Variants in EDEM3 observed in about 807,000 individuals in gnomAD.
EDEM3 encodes ER degradation enhancing alpha-mannosidase like protein 3, also known as ER degradation-enhancing alpha-mannosidase-like protein 3.
EDEM3 carries 60 observed loss-of-function variants against 110.2 expected under a neutral mutation model. That is an observed-to-expected ratio of 0.54 (90% CI 0.44 to 0.67). The LOEUF (loss-of-function observed/expected upper bound fraction) is 0.67. Ranked by LOEUF, EDEM3 falls within the 30% of genes least tolerant of loss-of-function variation. The pLI is 0.00. For missense variants in EDEM3, 996 were observed against 1,121.0 expected (o/e 0.89, Z 1.59); for synonymous variants, 352 against 382.9 (o/e 0.92, Z 0.94).
chr1:184,701,480 T>G (rs1393200702), intron 19 of EDEM3: 1 of 1,261,628 alleles, frequency 7.9e-7, no homozygotes. Flanking sequence ...TAAGGCTTGT[T>G]AATGCAAGAT....
At chr1:184,753,309 C>T (rs2102145202) in intron 1 of EDEM3, among the ~76,000 whole-genome samples, 1 of 151,622 alleles carries the variant, frequency 6.6e-6, no homozygotes, top group East Asian at 1.9e-4. Context: ...CTTCCAGTGA[C>T]GTACTTCCTT....
At position 184,754,850 on chromosome 1, in the gene EDEM3, T is replaced by C. The variant is rs1416094385; in HGVS notation, c.-204A>G. ...CTGCCACCGCCCTCCGCCCTCAGTATCCCGGAGCGCCTCCCCCAGCTTTCC... is the reference window on the plus strand; with the variant it reads ...CTGCCACCGCCCTCCGCCCTCAGTACCCCGGAGCGCCTCCCCCAGCTTTCC... On this transcript the variant is annotated 5_prime_UTR_variant, in exon 1 of 20. Coordinates refer to ENST00000318130, the MANE Select transcript of EDEM3 (RefSeq NM_025191.4). The C allele has an allele frequency of 3.7e-6, 3 of 810,016 alleles. No individual in the cohort carries two copies. Among genetic ancestry groups the C allele is most frequent in the Non-Finnish European group, 5.4e-6 (3 of 552,892 alleles). 50.2% of individuals were successfully genotyped at this position (810,016 alleles called of 1,614,324 possible). A position where few individuals can be genotyped will look rare whatever the true frequency, so the allele number is the denominator to read the frequency against.
intron 2 of EDEM3, among the ~76,000 whole-genome samples, chr1:184,748,148 A>T (rs1652537738): frequency 6.6e-6 from 1 of 152,120 alleles, no homozygotes; most frequent in Non-Finnish European, 1.5e-5. Flanking sequence ...TGACAAAAAA[A>T]AATTAATTAA....
At chr1:184,721,233 TA>T in intron 9 of EDEM3, 55 bp downstream of exon 9, 1 of 1,365,662 alleles carries the variant, frequency 7.3e-7, no homozygotes, top group Non-Finnish European at 1.0e-6. Context: ...GGAGTTTCTA[TA>T]AAAATCTGGA....
At chr1:184,709,225 A>G (rs935387612) in intron 16 of EDEM3, among the ~76,000 whole-genome samples, 4 of 152,160 alleles carry the variant, frequency 2.6e-5, no homozygotes, top group Non-Finnish European at 4.4e-5. Context: ...GAGATAATTC[A>G]AGTTTGGACA....
In EDEM3 at chr1:184,731,769, C is replaced by T. The variant is rs116775960; in HGVS notation, c.612+1068G>A. Among the ~76,000 whole-genome samples the T allele has an allele frequency of 2.8e-3, 433 of 152,270 alleles. 5 individuals are homozygous for T. The East Asian group carries it at 0.035, about 12-fold the overall frequency. Reference sequence around the variant, plus strand: ...TAATCTAATCTGTAATGTAATGACACATTAAAGCTTAAATTTTACATATAC... The same window carrying T: ...TAATCTAATCTGTAATGTAATGACATATTAAAGCTTAAATTTTACATATAC... On this transcript the variant is annotated intron_variant, in intron 6 of 19. Transcript: ENST00000318130.
chr1:184,723,865 TAAAAAAAAAA>T lies in EDEM3; in HGVS notation c.748-19_748-10del, dbSNP rs71101940. On this transcript the variant is annotated splice_polypyrimidine_tract_variant and intron_variant, in intron 7 of 19. Coordinates refer to ENST00000318130, the MANE Select transcript of EDEM3 (RefSeq NM_025191.4). Reference sequence around the variant, plus strand: ...GCTTTTCTGGCATATTCCTGTAATTTAAAAAAAAAAAAAAAAAAAAGAAGTGCATATTTGA... The same window carrying T: ...GCTTTTCTGGCATATTCCTGTAATTTAAAAAAAAAAGAAGTGCATATTTGA... 2.0e-5 allele frequency: 22 copies of T among 1,091,076 alleles called. No homozygotes were observed. The African/African-American group carries it at 2.7e-4, about 14-fold the overall frequency. 67.6% of individuals were successfully genotyped at this position (1,091,076 alleles called of 1,614,324 possible). A position where few individuals can be genotyped will look rare whatever the true frequency, so the allele number is the denominator to read the frequency against.
intron 6 of EDEM3, among the ~76,000 whole-genome samples, chr1:184,729,533 T>G (rs1173147461): frequency 1.3e-5 from 2 of 152,142 alleles, no homozygotes; most frequent in African/African-American, 2.4e-5. Context: ...ATATATGAGT[T>G]TAAAAAATGA....
Position 184,694,377 on chromosome 1 carries a change from A to G in EDEM3, c.2485T>C (p.Leu829=), listed in dbSNP as rs372807300. ...TCCTCAGAAGACTCTTGATCAACCA[A>G]ATCAACCTCCTGAGAACTTGATGAA... ...QISSSSQEVD[L]VDQESSEENS... The change falls in exon 20 of 20, where the codon TTG becomes CTG. Residue 829 remains leucine (L), a synonymous_variant. Transcript: ENST00000318130. 3.8e-5 allele frequency: 61 copies of G among 1,612,462 alleles called. No homozygotes were observed. The highest frequency in any genetic ancestry group is 5.3e-5 in the African/African-American group (4 of 74,866).
At chr1:184,729,273 A>C (rs1651365445) in intron 6 of EDEM3, among the ~76,000 whole-genome samples, 1 of 152,222 alleles carries the variant, frequency 6.6e-6, no homozygotes, top group Non-Finnish European at 1.5e-5. Context: ...AATTTTAAAA[A>C]GGACACTTTT....
intron 2 of EDEM3, among the ~76,000 whole-genome samples, chr1:184,746,558 C>T (rs761149567): frequency 5.9e-5 from 9 of 152,170 alleles, no homozygotes; most frequent in Non-Finnish European, 1.3e-4. Context: ...CTTCTAACAA[C>T]ATTGTGAGGC....
rs1248662087 is a variant in EDEM3, at chr1:184,691,344, G to C, written c.*2719C>G. ...CTATTTTATTTTTAGTAGGTAAACA[G>C]GTTAAGTTTTAAAACTTGAAAATAC... On this transcript the variant is annotated 3_prime_UTR_variant, in exon 20 of 20. Coordinates refer to ENST00000318130, the MANE Select transcript of EDEM3 (RefSeq NM_025191.4). 6.6e-6 allele frequency: 1 copy of C among 152,320 alleles called. No individual in the cohort carries two copies. Among genetic ancestry groups the C allele is most frequent in the Middle Eastern group, 3.2e-3 (1 of 316 alleles). The allele number at this position is 152,320 out of a possible 1,614,324, so 9.4% of individuals were successfully genotyped here. A position where few individuals can be genotyped will look rare whatever the true frequency, so the allele number is the denominator to read the frequency against.
At position 184,710,456 on chromosome 1, in the gene EDEM3, T is replaced by A. The variant is rs1558047823; in HGVS notation, c.1783A>T (p.Met595Leu). Residue 595 changes from methionine (M) to leucine (L), a missense_variant, in exon 16 of 20, where the codon ATG becomes TTG. Met to Leu is a conservative substitution (Grantham distance 15). Coordinates refer to ENST00000318130, the MANE Select transcript of EDEM3 (RefSeq NM_025191.4). ...NPEHLEILKK[M>L]GVSLIHLKDG... ...TTGAGGTGAATCAAACTCACCCCCA[T>A]CTTCTTCAGGATTTCTAAATGCTCA... The A allele has an allele frequency of 6.2e-7, 1 of 1,613,982 alleles. No homozygotes were observed. Among genetic ancestry groups the A allele is most frequent in the Non-Finnish European group, 8.5e-7 (1 of 1,179,904 alleles).
At chr1:184,697,774 T>A (rs1649404287) in intron 19 of EDEM3, among the ~76,000 whole-genome samples, 1 of 151,782 alleles carries the variant, frequency 6.6e-6, no homozygotes, top group African/African-American at 2.4e-5. Flanking sequence ...TGGAGTGATC[T>A]TCTGAAGTGA....
chr1:184,715,934 A>G (rs1233713983), intron 13 of EDEM3, among the ~76,000 whole-genome samples: 1 of 152,140 alleles, frequency 6.6e-6, no homozygotes, highest in Non-Finnish European at 1.5e-5. Flanking sequence ...CTAAGGGACA[A>G]CTCTATGGGT....
Position 184,754,719 on chromosome 1 carries a change from G to C in EDEM3, c.-73C>G, listed in dbSNP as rs888824888. 52 of 1,443,316 alleles carry C rather than the reference G, an allele frequency of 3.6e-5. 1 individual carries two copies. In the Admixed American group the frequency reaches 8.1e-4, roughly 22 times the overall value. The allele number at this position is 1,443,316 out of a possible 1,614,324, so 89.4% of individuals were successfully genotyped here. A position where few individuals can be genotyped will look rare whatever the true frequency, so the allele number is the denominator to read the frequency against. The stretch of plus-strand genomic sequence containing the variant: ...ACACATTGCTGGACGCTGGTGGCCA[G>C]GGGGCTGCTAGCCGTGCCGAGACGG... On this transcript the variant is annotated 5_prime_UTR_variant, in exon 1 of 20. Transcript: ENST00000318130.
Position 184,723,751 on chromosome 1 carries a change from CT to C in EDEM3, c.852del (p.Asp285IlefsTer16). The C allele has an allele frequency of 6.3e-7, 1 of 1,592,710 alleles. No individual in the cohort carries two copies. On this transcript the variant is annotated frameshift_variant and splice_region_variant, in exon 8 of 20. Transcript: ENST00000318130. LOFTEE classifies it high-confidence loss of function. Reference protein sequence around the residue: ...INIHTGDWVRKDSGVGAGIDS... With the variant: ...INIHTGDWVRXDSGVGAGIDS... Reference sequence around the variant, plus strand: ...GATTTAAAAAGCCTAACTTACATACCTTTTCGTACCCAATCTCCAGTATGAA... The same window carrying C: ...GATTTAAAAAGCCTAACTTACATACCTTTCGTACCCAATCTCCAGTATGAA...
At chr1:184,754,401 G>T (rs561541827) in intron 1 of EDEM3, 88 bp downstream of exon 1, 2 of 1,577,276 alleles carry the variant, frequency 1.3e-6, no homozygotes, top group Middle Eastern at 1.7e-4. Flanking sequence ...GACAGGAGAG[G>T]CCACTACGCG....
chr1:184,709,526 G>C (rs1216049829), intron 16 of EDEM3, among the ~76,000 whole-genome samples: 4 of 152,160 alleles, frequency 2.6e-5, no homozygotes, highest in Non-Finnish European at 1.5e-5. Context: ...AGCCAAAAAG[G>C]GAAAATGTTT....
Sources: gnomAD v4.1 joint callset for allele counts (sites outside exome capture counted in the v4.1 genomes callset) on GRCh38, gnomAD v4.1.1 for gene constraint, MANE v1.5 for transcripts, NCBI Gene and HGNC (gene_info 2026-07-23, HGNC 2026-07-21) for gene names.